Variants in SNTG1 observed in about 807,000 individuals in gnomAD.
SNTG1 encodes gamma-1-syntrophin.
Under a neutral mutation model 74.7 loss-of-function variants are expected in SNTG1, and 39 were observed. That is an observed-to-expected ratio of 0.52 (90% CI 0.40 to 0.68). The LOEUF (loss-of-function observed/expected upper bound fraction) is 0.68. SNTG1 is among the 30% of genes least tolerant of loss of function. The pLI, the probability that SNTG1 is intolerant of heterozygous loss-of-function variation, is 0.00. For missense variants in SNTG1, 685 were observed against 609.5 expected (o/e 1.12, Z -1.30); for synonymous variants, 254 against 217.1 (o/e 1.17, Z -1.49).
chr8:50,449,406 G>T (rs1587667616), intron 5 of SNTG1, among the ~76,000 whole-genome samples: 1 of 152,188 alleles, frequency 6.6e-6, no homozygotes, highest in Non-Finnish European at 1.5e-5. Context: ...TGAGGAGAAT[G>T]CCTATCTAAA....
intron 13 of SNTG1, among the ~76,000 whole-genome samples, chr8:50,631,067 T>C (rs998996495): frequency 1.3e-5 from 2 of 152,348 alleles, no homozygotes; most frequent in Non-Finnish European, 2.9e-5. Context: ...CTCTTGGCCC[T>C]CTTACGGGGA....
At chr8:49,951,288 T>A (rs1226875844) in intron 1 of SNTG1, among the ~76,000 whole-genome samples, 1 of 152,138 alleles carries the variant, frequency 6.6e-6, no homozygotes, top group East Asian at 1.9e-4. Flanking sequence ...AAAATAAAAG[T>A]AAAAATAATC....
chr8:50,358,934 T>G (rs537102603), intron 2 of SNTG1, among the ~76,000 whole-genome samples: 1 of 152,202 alleles, frequency 6.6e-6, no homozygotes, highest in Non-Finnish European at 1.5e-5. Context: ...TACTCCTTTG[T>G]TTCTCAATGT....
At chr8:50,325,533 A>G (rs1028837196) in intron 2 of SNTG1, among the ~76,000 whole-genome samples, 1 of 152,070 alleles carries the variant, frequency 6.6e-6, no homozygotes, top group Non-Finnish European at 1.5e-5. Context: ...CATGGTATAT[A>G]GAAAAGTGAT....
intron 18 of SNTG1, among the ~76,000 whole-genome samples, chr8:50,776,907 C>T (rs2131810024): frequency 6.6e-6 from 1 of 151,926 alleles, no homozygotes; most frequent in Middle Eastern, 3.4e-3. Flanking sequence ...AAATCTTGTG[C>T]CACTTCCTTC....
At chr8:50,097,518 G>T (rs569679136) in intron 1 of SNTG1, among the ~76,000 whole-genome samples, 9 of 152,160 alleles carry the variant, frequency 5.9e-5, no homozygotes, top group Non-Finnish European at 8.8e-5. Flanking sequence ...CGGGCGCAGT[G>T]GCGGGCGCCT....
intron 4 of SNTG1, among the ~76,000 whole-genome samples, chr8:50,407,004 A>C (rs2092884807): frequency 6.6e-6 from 1 of 152,128 alleles, no homozygotes; most frequent in Admixed American, 6.6e-5. Context: ...TCTGTTTTTT[A>C]AAACCTCCCA....
chr8:50,140,638 A>G (rs531283703), intron 1 of SNTG1, among the ~76,000 whole-genome samples: 3 of 151,972 alleles, frequency 2.0e-5, no homozygotes, highest in Non-Finnish European at 4.4e-5. Context: ...TGTGTTTTTG[A>G]GTGTGTGTGC....
At position 49,952,256 on chromosome 8, in the gene SNTG1, C is replaced by T. The variant is rs529080062; in HGVS notation, c.-103+40025C>T. ...TCCTCAGAGAGCATCTGAGGAAAGA[C>T]AGTAGACAGATTATGAGAAGTGTTG... On this transcript the variant is annotated intron_variant, in intron 1 of 18. Coordinates refer to ENST00000642720, the MANE Select transcript of SNTG1 (RefSeq NM_018967.5). Among the ~76,000 whole-genome samples the T allele has an allele frequency of 2.0e-5, 3 of 152,214 alleles. No homozygotes were observed. In the South Asian group the frequency reaches 6.2e-4, roughly 32 times the overall value.
chr8:50,057,860 C>T (rs1820157958), intron 1 of SNTG1, among the ~76,000 whole-genome samples: 1 of 152,084 alleles, frequency 6.6e-6, no homozygotes, highest in South Asian at 2.1e-4. Flanking sequence ...GACCCATGAT[C>T]ATTTCAGTTT....
chr8:50,729,106 C>T (rs1232157514), intron 17 of SNTG1, among the ~76,000 whole-genome samples: 1 of 152,260 alleles, frequency 6.6e-6, no homozygotes, highest in African/African-American at 2.4e-5. Context: ...GGCATATTTG[C>T]TAGTTGTTGA....
At chr8:50,662,681 C>A (rs2095230432) in intron 15 of SNTG1, among the ~76,000 whole-genome samples, 1 of 152,150 alleles carries the variant, frequency 6.6e-6, no homozygotes, top group Admixed American at 6.6e-5. Context: ...ACCAGAGAGC[C>A]AGCCTGGTAC....
intron 15 of SNTG1, among the ~76,000 whole-genome samples, chr8:50,701,791 C>T (rs1476443484): frequency 1.4e-4 from 20 of 144,298 alleles, no homozygotes; most frequent in Non-Finnish European, 3.0e-5. Context: ...CCTCTTCCTC[C>T]TCCTCCTCCT....
Position 50,121,703 on chromosome 8 carries a change from T to C in SNTG1, c.-102-50858T>C, listed in dbSNP as rs188519596. On this transcript the variant is annotated intron_variant, in intron 1 of 18. Coordinates refer to ENST00000642720, the MANE Select transcript of SNTG1 (RefSeq NM_018967.5). ...CCAAAAAAATAGAATGAATTTTAAA[T>C]CATGAAAATAAGCCAAACTTGGTGG... Among the ~76,000 whole-genome samples, 619 of 141,544 alleles carry C rather than the reference T, an allele frequency of 4.4e-3. 113 individuals are homozygous for C. The highest frequency in any genetic ancestry group is 9.5e-3 in the South Asian group (36 of 3,776). The allele number at this position is 141,544 out of a possible 152,430, so 92.9% of individuals were successfully genotyped here. A position where few individuals can be genotyped will look rare whatever the true frequency, so the allele number is the denominator to read the frequency against.
intron 1 of SNTG1, among the ~76,000 whole-genome samples, chr8:49,993,032 CT>C (rs535978885): frequency 1.1e-4 from 16 of 151,944 alleles, no homozygotes; most frequent in African/African-American, 2.4e-4. Flanking sequence ...TGTTTTAAAT[CT>C]TTTTTTTGTG....
intron 5 of SNTG1, among the ~76,000 whole-genome samples, chr8:50,441,603 G>C (rs1260599056): frequency 6.6e-6 from 1 of 152,130 alleles, no homozygotes; most frequent in Non-Finnish European, 1.5e-5. Context: ...TTAAAAATAT[G>C]ACTTAAGTAA....
chr8:50,724,121 G>A (rs2095494317), intron 17 of SNTG1, among the ~76,000 whole-genome samples: 1 of 152,140 alleles, frequency 6.6e-6, no homozygotes, highest in Non-Finnish European at 1.5e-5. Flanking sequence ...ATTCCATGGT[G>A]TTATTTGTAT....
At chr8:50,337,894 T>C (rs1198305112) in intron 2 of SNTG1, among the ~76,000 whole-genome samples, 2 of 152,178 alleles carry the variant, frequency 1.3e-5, no homozygotes, top group Non-Finnish European at 1.5e-5. Flanking sequence ...CCCAGCACTT[T>C]GGGAGGCCAA....
chr8:50,728,409 C>A (rs2131612386), intron 17 of SNTG1, among the ~76,000 whole-genome samples: 1 of 152,266 alleles, frequency 6.6e-6, no homozygotes, highest in African/African-American at 2.4e-5. Flanking sequence ...AAAAATTCTG[C>A]AAGTCCTAAA....
Sources: gnomAD v4.1 joint callset for allele counts (sites outside exome capture counted in the v4.1 genomes callset) on GRCh38, gnomAD v4.1.1 for gene constraint, MANE v1.5 for transcripts, NCBI Gene and HGNC (gene_info 2026-07-23, HGNC 2026-07-21) for gene names.